The following HGSNAT variants were observed in gnomAD, a reference collection of about 807,000 sequenced individuals.
The protein encoded by HGSNAT is transmembrane protein 76.
Under a neutral mutation model 85.2 loss-of-function variants are expected in HGSNAT, and 59 were observed. The observed-to-expected ratio is 0.69, with a 90% CI of 0.56 to 0.86. The LOEUF is 0.86. HGSNAT is among the 40% of genes least tolerant of loss of function. The pLI is 0.00. For missense variants in HGSNAT, 756 were observed against 777.1 expected (o/e 0.97, Z 0.32); for synonymous variants, 321 against 304.5 (o/e 1.05, Z -0.56).
rs534365103 is a variant in HGSNAT, at chr8:43,189,343, T to C, written c.1129-2131T>C. Among the ~76,000 whole-genome samples the C allele has an allele frequency of 4.4e-3, 663 of 152,268 alleles. 7 individuals carry two copies. Among genetic ancestry groups the C allele is most frequent in the African/African-American group, 0.015 (633 of 41,558 alleles). On this transcript the variant is annotated intron_variant, in intron 11 of 17. Transcript: ENST00000379644. Reference sequence around the variant, plus strand: ...CAAGCCTCAGCAATGGCGGATGCCCTTCCCCCCAGCCTCGCTGCCACCTTG... The same window carrying C: ...CAAGCCTCAGCAATGGCGGATGCCCCTCCCCCCAGCCTCGCTGCCACCTTG...
At chr8:43,143,182 AGGT>A (rs1207722673) in intron 1 of HGSNAT, among the ~76,000 whole-genome samples, 1 of 152,262 alleles carries the variant, frequency 6.6e-6, no homozygotes, top group African/African-American at 2.4e-5. Flanking sequence ...GATTAAATAA[AGGT>A]GGTTAAATAA....
intron 5 of HGSNAT, among the ~76,000 whole-genome samples, chr8:43,166,541 G>C (rs565563825): frequency 6.6e-6 from 1 of 152,288 alleles, no homozygotes; most frequent in South Asian, 2.1e-4. Flanking sequence ...TGTTTACAGC[G>C]TGGCTTACTG....
intron 10 of HGSNAT, chr8:43,180,794 C>T (rs1804060475): frequency 4.8e-6 from 1 of 208,974 alleles, no homozygotes; most frequent in Non-Finnish European, 9.6e-6. Context: ...GCACTCCAGC[C>T]TGGGCACCAT....
At chr8:43,141,026 G>C (rs1233414510) in intron 1 of HGSNAT, among the ~76,000 whole-genome samples, 2 of 152,192 alleles carry the variant, frequency 1.3e-5, no homozygotes, top group African/African-American at 4.8e-5. Context: ...TCCACTGTTC[G>C]GAGGGACTTA....
rs773357212 is a variant in HGSNAT at position 43,202,041 on chromosome 8, G to C, written c.*2472G>C. On this transcript the variant is annotated 3_prime_UTR_variant, in exon 18 of 18. Coordinates refer to ENST00000379644, the MANE Select transcript of HGSNAT (RefSeq NM_152419.3). The stretch of plus-strand genomic sequence containing the variant: ...TGGGCCTCTCCAGGTGAGTTTTCTA[G>C]AAGCATTTCTCAAACTGTGGGTTAC... 1.2e-4 allele frequency: 19 copies of C among 152,630 alleles called. No individual in the cohort carries two copies. The highest frequency in any genetic ancestry group is 2.3e-4 in the Non-Finnish European group (16 of 68,086). 9.5% of individuals were successfully genotyped at this position (152,630 alleles called of 1,614,324 possible).
At position 43,182,163 on chromosome 8, in the gene HGSNAT, G is replaced by A. The variant is rs766835582; in HGVS notation, c.1031G>A (p.Arg344His). 1.9e-5 allele frequency: 31 copies of A among 1,613,752 alleles called. No homozygotes were observed. Among genetic ancestry groups the A allele is most frequent in the East Asian group, 6.7e-5 (3 of 44,898 alleles). Residue 344 changes from arginine (R) to histidine (H), a missense_variant, in exon 11 of 18, where the codon CGC becomes CAC. Coordinates refer to ENST00000379644, the MANE Select transcript of HGSNAT (RefSeq NM_152419.3). ...TTTGCAGTGTCTTGGGACAAGGTGC[G>A]CATTCCTGGTGTGCTGCAGCGATTG... ...CLGPLSWDKV[R>H]IPGVLQRLGV...
At chr8:43,149,690 ACT>A (rs957144048) in intron 2 of HGSNAT, among the ~76,000 whole-genome samples, 8 of 151,022 alleles carry the variant, frequency 5.3e-5, no homozygotes, top group African/African-American at 1.9e-4. Flanking sequence ...ACAGAGCAAG[ACT>A]CTGTCTCAAA....
rs549166641 is a variant in HGSNAT, at chr8:43,150,447, A to C, written c.234+3384A>C. Among the ~76,000 whole-genome samples, 239 of 152,222 alleles carry C rather than the reference A, an allele frequency of 1.6e-3. 1 individual carries two copies. The highest frequency in any genetic ancestry group is 0.011 in the South Asian group (53 of 4,826). ...TGAGACCAGCTGGGGCAACAAAGTA[A>C]GTCCTCATCTCTTTCAAAACAAAAC... On this transcript the variant is annotated intron_variant, in intron 2 of 17. Coordinates refer to ENST00000379644, the MANE Select transcript of HGSNAT (RefSeq NM_152419.3).
chr8:43,147,095 CTTTGG>C, intron 2 of HGSNAT, 32 bp downstream of exon 2: 3 of 1,300,482 alleles, frequency 2.3e-6, no homozygotes, highest in Non-Finnish European at 3.3e-6. Context: ...GTTCTGTTTG[CTTTGG>C]GGCTTGTTTG....
intron 11 of HGSNAT, among the ~76,000 whole-genome samples, chr8:43,182,708 A>G (rs1804173221): frequency 6.6e-6 from 1 of 152,076 alleles, no homozygotes; most frequent in Non-Finnish European, 1.5e-5. Flanking sequence ...GGCCTCACAA[A>G]TTGCTGGGAT....
At chr8:43,167,935 T>G (rs1041813464) in intron 5 of HGSNAT, 1 of 274,808 alleles carries the variant, frequency 3.6e-6, no homozygotes, top group African/African-American at 2.3e-5. Context: ...TTTTTTTTTT[T>G]TGAGACAGAG....
At chr8:43,158,014 A>G (rs1030593091) in intron 2 of HGSNAT, among the ~76,000 whole-genome samples, 1 of 152,200 alleles carries the variant, frequency 6.6e-6, no homozygotes, top group African/African-American at 2.4e-5. Flanking sequence ...ACTTAATGCA[A>G]GACTTAATGT....
At chr8:43,185,574 C>T (rs1245302825) in intron 11 of HGSNAT, among the ~76,000 whole-genome samples, 2 of 152,186 alleles carry the variant, frequency 1.3e-5, no homozygotes, top group Non-Finnish European at 2.9e-5. Context: ...ACAATCATGT[C>T]ATCTGCAAAC....
rs73631573 is a variant in HGSNAT, at chr8:43,159,164, G to A, written c.493+120G>A. 7,005 of 911,866 alleles carry A rather than the reference G, an allele frequency of 7.7e-3. 333 individuals carry two copies. In the African/African-American group the frequency reaches 0.11, roughly 14 times the overall value. 56.5% of individuals were successfully genotyped at this position (911,866 alleles called of 1,614,324 possible). A position where few individuals can be genotyped will look rare whatever the true frequency, so the allele number is the denominator to read the frequency against. Reference sequence around the variant, plus strand: ...TCTGTAGTTGAAAACCTAAATCTTAGGTCATTGATGAGCACCACTCCCCCC... The same window carrying A: ...TCTGTAGTTGAAAACCTAAATCTTAAGTCATTGATGAGCACCACTCCCCCC... On this transcript the variant is annotated intron_variant, in intron 4 of 17. Coordinates refer to ENST00000379644, the MANE Select transcript of HGSNAT (RefSeq NM_152419.3).
chr8:43,196,459 C>T, intron 14 of HGSNAT: 1 of 1,289,532 alleles, frequency 7.8e-7, no homozygotes, highest in Non-Finnish European at 1.0e-6. Context: ...CCAAACAGGC[C>T]TGTCTGACGG....
chr8:43,184,739 A>C (rs935050418), intron 11 of HGSNAT, among the ~76,000 whole-genome samples: 3 of 152,128 alleles, frequency 2.0e-5, no homozygotes, highest in African/African-American at 4.8e-5. Context: ...GGTATTGCCT[A>C]GGTTTTCTTC....
intron 10 of HGSNAT, chr8:43,181,796 A>G (rs1804134072): frequency 4.0e-6 from 1 of 248,030 alleles, no homozygotes; most frequent in Non-Finnish European, 7.8e-6. Flanking sequence ...GGTTGATTGC[A>G]AATTCCTAAT....
chr8:43,198,072 AGCCAG>A (rs1381411046), intron 17 of HGSNAT, 120 bp downstream of exon 17: 3 of 673,082 alleles, frequency 4.5e-6, no homozygotes, highest in Non-Finnish European at 7.7e-6. Context: ...GGTGTCCAAA[AGCCAG>A]GCTGAGGGAG....
At chr8:43,195,127 G>A (rs1032826960) in intron 14 of HGSNAT, among the ~76,000 whole-genome samples, 113 of 152,090 alleles carry the variant, frequency 7.4e-4, no homozygotes, top group African/African-American at 2.7e-3. Context: ...TAGTGGTTCG[G>A]CTGTTGGGTA....
Sources: allele counts gnomAD v4.1 joint callset (sites outside exome capture counted in the v4.1 genomes callset), GRCh38; gene constraint gnomAD v4.1.1; transcripts MANE v1.5; gene names NCBI Gene and HGNC (gene_info 2026-07-23, HGNC 2026-07-21).